TNNT3: variants seen among roughly 807,000 people sequenced by gnomAD.
TNNT3 encodes troponin T, fast skeletal muscle.
Under a neutral mutation model 54.2 loss-of-function variants are expected in TNNT3, and 36 were observed. That is an observed-to-expected ratio of 0.66 (90% confidence interval 0.51 to 0.88). The LOEUF is 0.88. Ranked by LOEUF, TNNT3 falls within the 40% of genes least tolerant of loss-of-function variation. The probability of loss-of-function intolerance (pLI) is 0.00; values close to 1 mark genes in which losing one functional copy is unlikely to be tolerated. For synonymous variants in TNNT3, 120 were observed against 109.7 expected (o/e 1.09, Z -0.59); for missense variants, 291 against 331.6 (o/e 0.88, Z 0.95).
chr11:1,930,119 T>C (rs1198633936), intron 8 of TNNT3, among the ~76,000 whole-genome samples: 1 of 152,052 alleles, frequency 6.6e-6, no homozygotes, highest in Non-Finnish European at 1.5e-5. Context: ...AGGGTGTGAT[T>C]TTGCCCAGGG....
chr11:1,928,195 G>A (rs78353778), intron 6 of TNNT3, among the ~76,000 whole-genome samples: 97 of 152,340 alleles, frequency 6.4e-4, no homozygotes, highest in Admixed American at 1.3e-4. Flanking sequence ...GTGTGTCAAC[G>A]GCCTTGCTGC....
At chr11:1,935,462 G>A in intron 14 of TNNT3, 1 of 208,682 alleles carries the variant, frequency 4.8e-6, no homozygotes, top group Non-Finnish European at 9.8e-6. Flanking sequence ...TGCCCGTCTG[G>A]GACGGAGCAG....
chr11:1,938,260 C>A, intron 15 of TNNT3, 178 bp from the exon 16 acceptor site: 1 of 713,596 alleles, frequency 1.4e-6, no homozygotes, highest in Admixed American at 2.1e-5. Flanking sequence ...CTAGGCCCGC[C>A]AGGCACAGGT....
At chr11:1,929,367 C>T (rs938919990) in intron 7 of TNNT3, among the ~76,000 whole-genome samples, 17 of 152,196 alleles carry the variant, frequency 1.1e-4, no homozygotes, top group African/African-American at 4.1e-4. Flanking sequence ...CAAGTTTCTG[C>T]CACACAGCGG....
At chr11:1,926,746 C>CCGT (rs1564807550) in intron 6 of TNNT3, 37 bp downstream of exon 6, 3 of 1,612,870 alleles carry the variant, frequency 1.9e-6, no homozygotes, top group Non-Finnish European at 8.5e-7. Context: ...GCCAGAGTCT[C>CCGT]CGTCCTCCCT....
At chr11:1,935,229 G>C in intron 14 of TNNT3, 3 of 477,770 alleles carry the variant, frequency 6.3e-6, no homozygotes, top group South Asian at 4.1e-5. Context: ...GTGGACTCAG[G>C]GTTCATTTTC....
At chr11:1,922,254 C>T (rs2133226808) in intron 1 of TNNT3, among the ~76,000 whole-genome samples, 1 of 152,240 alleles carries the variant, frequency 6.6e-6, no homozygotes, top group Middle Eastern at 3.4e-3. Context: ...TGGTGGGACA[C>T]ACTCTGGGCA....
intron 5 of TNNT3, 86 bp downstream of exon 5, chr11:1,925,202 G>A: frequency 6.3e-7 from 1 of 1,578,004 alleles, no homozygotes; most frequent in Non-Finnish European, 8.6e-7. Context: ...CCGCCTCTAA[G>A]GATTGCTGTG....
chr11:1,930,752 C>T (rs1254304037), intron 8 of TNNT3, among the ~76,000 whole-genome samples: 2 of 152,118 alleles, frequency 1.3e-5, no homozygotes, highest in South Asian at 4.1e-4. Context: ...GTATTCCCAC[C>T]CTTTGCACTG....
chr11:1,923,225 G>A (rs1306332399), intron 3 of TNNT3, among the ~76,000 whole-genome samples, 164 bp downstream of exon 3: 1 of 152,118 alleles, frequency 6.6e-6, no homozygotes, highest in Non-Finnish European at 1.5e-5. Flanking sequence ...CTGTCCAAGT[G>A]GGGGGCCTCG....
At chr11:1,925,177 A>C in intron 5 of TNNT3, 61 bp downstream of exon 5, 1 of 1,598,704 alleles carries the variant, frequency 6.3e-7, no homozygotes, top group Non-Finnish European at 8.5e-7. Context: ...GCCCCACCCA[A>C]AGTTGACCTC....
intron 1 of TNNT3, among the ~76,000 whole-genome samples, chr11:1,920,766 G>A (rs78952134): frequency 0.14 from 21,426 of 152,202 alleles, 1,759 homozygotes; most frequent in Middle Eastern, 0.2. Context: ...GCACTAACTG[G>A]ACACCTGCTT....
intron 1 of TNNT3, among the ~76,000 whole-genome samples, chr11:1,920,461 G>A (rs966941611): frequency 1.3e-4 from 20 of 152,162 alleles, no homozygotes; most frequent in Non-Finnish European, 2.5e-4. Context: ...GCTGGCGCTC[G>A]TAAGAGCCCC....
chr11:1,925,141 C>A lies in TNNT3; in HGVS notation c.67+25C>A, dbSNP rs754517965. 1.1e-5 allele frequency: 17 copies of A among 1,611,836 alleles called. No individual in the cohort carries two copies. The South Asian group carries it at 1.9e-4, about 18-fold the overall frequency. On this transcript the variant is annotated intron_variant, in intron 5 of 15. Transcript: ENST00000278317. ...GGTAAGTGGGGTCCAAGGCCCCGGC[C>A]CCCATGCCCACTCCCCAGCCTTCCC...
intron 6 of TNNT3, among the ~76,000 whole-genome samples, chr11:1,927,428 C>T (rs1004761387): frequency 1.9e-4 from 29 of 152,146 alleles, no homozygotes; most frequent in African/African-American, 6.8e-4. Flanking sequence ...TGCTTCTCAG[C>T]TCCCCCCGTT....
chr11:1,926,087 G>T (rs1308722294), intron 5 of TNNT3, among the ~76,000 whole-genome samples: 1 of 152,154 alleles, frequency 6.6e-6, no homozygotes, highest in African/African-American at 2.4e-5. Context: ...CTCGCACGTG[G>T]GCCTTGGTGC....
At chr11:1,925,019 G>C in intron 4 of TNNT3, 80 bp from the exon 5 acceptor site, 2 of 1,550,980 alleles carry the variant, frequency 1.3e-6, no homozygotes, top group Non-Finnish European at 1.8e-6. Context: ...CTTGCGGCCT[G>C]AGTACACTCT....
chr11:1,929,287 G>A, intron 7 of TNNT3, 144 bp downstream of exon 7: 1 of 1,124,346 alleles, frequency 8.9e-7, no homozygotes, highest in Non-Finnish European at 1.3e-6. Flanking sequence ...GGCCTCGGAG[G>A]GCCAGGCCTT....
In TNNT3 at chr11:1,929,693, G is replaced by A. The variant is rs2292472; in HGVS notation, c.107-117G>A. On this transcript the variant is annotated intron_variant, in intron 7 of 15. Transcript: ENST00000278317. Reference sequence around the variant, plus strand: ...GGGGGTACTCCCAGCTGAAAAGGACGGTGGCCTTCAGTGAAGGGGAACCCA... The same window carrying A: ...GGGGGTACTCCCAGCTGAAAAGGACAGTGGCCTTCAGTGAAGGGGAACCCA... The A allele has an allele frequency of 0.16, 173,957 of 1,113,408 alleles. 16,334 individuals carry two copies. Among genetic ancestry groups the A allele is most frequent in the East Asian group, 0.39 (15,134 of 38,964 alleles). The allele number at this position is 1,113,408 out of a possible 1,614,324, so 69.0% of individuals were successfully genotyped here.
Sources: allele counts gnomAD v4.1 joint callset (sites outside exome capture counted in the v4.1 genomes callset), GRCh38; gene constraint gnomAD v4.1.1; transcripts MANE v1.5; gene names NCBI Gene and HGNC (gene_info 2026-07-23, HGNC 2026-07-21).